RBFOX3: variants seen among roughly 807,000 people sequenced by gnomAD.
RBFOX3 encodes the protein RNA binding protein fox-1 homolog 3.
Under a neutral mutation model 48.7 loss-of-function variants are expected in RBFOX3, and 17 were observed. The observed-to-expected ratio is 0.35, with a 90% CI of 0.24 to 0.52. The LOEUF (loss-of-function observed/expected upper bound fraction) is 0.52. Among genes scored for constraint, RBFOX3 ranks in the 20% least tolerant of loss-of-function variants. The probability of loss-of-function intolerance (pLI) is 0.94; values close to 1 mark genes in which losing one functional copy is unlikely to be tolerated. For missense variants in RBFOX3, 382 were observed against 497.5 expected (o/e 0.77, Z 2.21); for synonymous variants, 212 against 209.5 (o/e 1.01, Z -0.10).
chr17:79,419,119 T>C (rs1555720644), intron 2 of RBFOX3, among the ~76,000 whole-genome samples: 1 of 152,168 alleles, frequency 6.6e-6, no homozygotes, highest in Admixed American at 6.5e-5. Context: ...GATTTCATTT[T>C]TCCCCACGCC....
intron 3 of RBFOX3, among the ~76,000 whole-genome samples, chr17:79,286,546 T>G (rs963326932): frequency 6.6e-6 from 1 of 152,078 alleles, no homozygotes; most frequent in Non-Finnish European, 1.5e-5. Flanking sequence ...GCAGGGAGGG[T>G]TTGCCCATCC....
intron 4 of RBFOX3, among the ~76,000 whole-genome samples, chr17:79,179,958 G>A (rs934353989): frequency 6.6e-6 from 1 of 152,240 alleles, no homozygotes; most frequent in Admixed American, 6.5e-5. Context: ...GCTCCTGGAG[G>A]TGGGCTGAGT....
chr17:79,552,856 T>C (rs1395821142), intron 1 of RBFOX3, among the ~76,000 whole-genome samples: 1 of 152,236 alleles, frequency 6.6e-6, no homozygotes, highest in Non-Finnish European at 1.5e-5. Context: ...CATATGGACA[T>C]GCATACATGC....
At chr17:79,232,213 T>C (rs1335690679) in intron 4 of RBFOX3, among the ~76,000 whole-genome samples, 2 of 152,330 alleles carry the variant, frequency 1.3e-5, no homozygotes, top group Non-Finnish European at 2.9e-5. Flanking sequence ...AACTGACTTA[T>C]AGATTCAATT....
At position 79,096,984 on chromosome 17, in the gene RBFOX3, G is replaced by C. The variant is rs78070525; in HGVS notation, c.756-151C>G. Reference sequence around the variant, plus strand: ...CCAGACCCCAGGGAATGGGAGCAGAGAGGGCTCAGAGAAGCCCCTCGCTGA... The same window carrying C: ...CCAGACCCCAGGGAATGGGAGCAGACAGGGCTCAGAGAAGCCCCTCGCTGA... On this transcript the variant is annotated intron_variant, in intron 11 of 14. Coordinates refer to ENST00000693108, the MANE Select transcript of RBFOX3 (RefSeq NM_001350451.2). Among the ~76,000 whole-genome samples, 1,448 of 152,274 alleles carry C rather than the reference G, an allele frequency of 9.5e-3. 19 individuals carry two copies. The highest frequency in any genetic ancestry group is 0.033 in the African/African-American group (1,384 of 41,538).
the RBFOX3 span, among the ~76,000 whole-genome samples, chr17:79,617,653 A>G: frequency 6.6e-6 from 1 of 152,020 alleles, no homozygotes; most frequent in Admixed American, 6.5e-5. Flanking sequence ...CTCCCTAAAC[A>G]CCAGCGTCCC....
chr17:79,097,667 A>ACCCCCCCCCCCCC, intron 10 of RBFOX3, 25 bp downstream of exon 10: 1 of 1,031,806 alleles, frequency 9.7e-7, no homozygotes, highest in Non-Finnish European at 1.3e-6. Context: ...GTCTCATCCC[A>ACCCCCCCCCCCCC]TCCCCGCCCC....
At chr17:79,411,564 T>C (rs1771217788) in intron 2 of RBFOX3, among the ~76,000 whole-genome samples, 1 of 152,168 alleles carries the variant, frequency 6.6e-6, no homozygotes, top group South Asian at 2.1e-4. Flanking sequence ...TCCCCTTCCA[T>C]GCCCTCCCTC....
At chr17:79,454,790 G>A (rs971794578) in intron 2 of RBFOX3, among the ~76,000 whole-genome samples, 7 of 152,330 alleles carry the variant, frequency 4.6e-5, no homozygotes, top group African/African-American at 1.2e-4. Flanking sequence ...TGACTGGAGC[G>A]ACTTGGAAGA....
chr17:79,395,925 C>A (rs958289998), intron 2 of RBFOX3, among the ~76,000 whole-genome samples: 3 of 152,242 alleles, frequency 2.0e-5, no homozygotes, highest in African/African-American at 7.2e-5. Flanking sequence ...GGGCATCCCT[C>A]ACCCTTGGTC....
the RBFOX3 span, among the ~76,000 whole-genome samples, chr17:79,628,565 A>G: frequency 1.3e-5 from 2 of 152,188 alleles, no homozygotes; most frequent in African/African-American, 4.8e-5. Context: ...CGAAATTTAT[A>G]TAACATAAAA....
chr17:79,547,411 C>T (rs570880189), intron 1 of RBFOX3, among the ~76,000 whole-genome samples: 2 of 152,188 alleles, frequency 1.3e-5, no homozygotes, highest in East Asian at 1.9e-4. Context: ...GCCAAGATTG[C>T]ACCACAGCAC....
At chr17:79,627,856 G>T in the RBFOX3 span, among the ~76,000 whole-genome samples, 3 of 152,150 alleles carry the variant, frequency 2.0e-5, no homozygotes, top group African/African-American at 7.2e-5. Context: ...GGCAGCCGGC[G>T]GAGGGAGCAG....
Position 79,396,947 on chromosome 17 carries a change from C to T in RBFOX3, c.-175+85507G>A, listed in dbSNP as rs188188207. Among the ~76,000 whole-genome samples, 265 of 152,356 alleles carry T rather than the reference C, an allele frequency of 1.7e-3. 2 individuals carry two copies. Among genetic ancestry groups the T allele is most frequent in the Middle Eastern group, 6.8e-3 (2 of 294 alleles). ...ATGGTAGGGAAGTCTGCAAGGAGAA[C>T]GAACCCCTGTCACAGCGGCAGGGAA... On this transcript the variant is annotated intron_variant, in intron 2 of 14. Coordinates refer to ENST00000693108, the MANE Select transcript of RBFOX3 (RefSeq NM_001350451.2).
At chr17:79,142,960 C>T (rs1778275567) in intron 4 of RBFOX3, among the ~76,000 whole-genome samples, 1 of 152,118 alleles carries the variant, frequency 6.6e-6, no homozygotes, top group African/African-American at 2.4e-5. Flanking sequence ...AGTCCAGGTC[C>T]CAGGACTAGA....
intron 3 of RBFOX3, among the ~76,000 whole-genome samples, chr17:79,246,155 T>C (rs962538614): frequency 6.6e-6 from 1 of 152,208 alleles, no homozygotes; most frequent in Non-Finnish European, 1.5e-5. Context: ...TATGTGGCTA[T>C]GGCAATGGAA....
At chr17:79,282,970 C>T (rs763670925) in intron 3 of RBFOX3, among the ~76,000 whole-genome samples, 1 of 152,196 alleles carries the variant, frequency 6.6e-6, no homozygotes, top group Non-Finnish European at 1.5e-5. Context: ...TGTATTTTAG[C>T]TCATGTGAGG....
intron 2 of RBFOX3, among the ~76,000 whole-genome samples, chr17:79,354,013 G>C (rs1305461459): frequency 6.6e-6 from 1 of 152,184 alleles, no homozygotes; most frequent in Non-Finnish European, 1.5e-5. Context: ...AATGTTTTTA[G>C]AGAAGTTTTA....
intron 2 of RBFOX3, among the ~76,000 whole-genome samples, chr17:79,321,793 C>G (rs946538033): frequency 1.3e-5 from 2 of 150,222 alleles, no homozygotes; most frequent in South Asian, 4.2e-4. Context: ...GCAACCTCTG[C>G]CTCCCCGGTT....
Sources: gnomAD v4.1 joint callset for allele counts (sites outside exome capture counted in the v4.1 genomes callset) on GRCh38, gnomAD v4.1.1 for gene constraint, MANE v1.5 for transcripts, NCBI Gene and HGNC (gene_info 2026-07-23, HGNC 2026-07-21) for gene names.